SLC12A2: variants seen among roughly 807,000 people sequenced by gnomAD.
SLC12A2 encodes Na-K-2Cl cotransporter 1.
Under a neutral mutation model 136.3 loss-of-function variants are expected in SLC12A2, and 67 were observed. The ratio of observed to expected loss-of-function variants is 0.49; its 90% CI spans 0.40 to 0.60. The LOEUF (loss-of-function observed/expected upper bound fraction) is 0.60. Ranked by LOEUF, SLC12A2 falls within the 20% of genes least tolerant of loss-of-function variation. SLC12A2 has a pLI of 0.00. For synonymous variants in SLC12A2, 619 were observed against 562.9 expected (o/e 1.10, Z -1.41); for missense variants, 1,322 against 1,534.7 (o/e 0.86, Z 2.32).
At chr5:128,110,831 T>C in intron 1 of SLC12A2, 4 of 1,472,980 alleles carry the variant, frequency 2.7e-6, no homozygotes, top group Non-Finnish European at 3.8e-6. Flanking sequence ...AATAATCTCA[T>C]GGATGATGAC....
At chr5:128,148,948 T>G in intron 12 of SLC12A2, 71 bp downstream of exon 12, 2 of 1,260,134 alleles carry the variant, frequency 1.6e-6, no homozygotes, top group African/African-American at 3.0e-5. Context: ...AATTATTAAA[T>G]TATTAACAAT....
At chr5:128,112,515 C>A (rs1309791748) in intron 1 of SLC12A2, among the ~76,000 whole-genome samples, 1 of 152,128 alleles carries the variant, frequency 6.6e-6, no homozygotes, top group African/African-American at 2.4e-5. Flanking sequence ...CTGTAATTAG[C>A]AAACAGGAGT....
In SLC12A2 at chr5:128,131,189, G is replaced by T. The variant is rs765309351; in HGVS notation, c.1171G>T (p.Val391Leu). Residue 391 changes from valine to leucine, a missense_variant, in exon 5 of 27, where the codon GTG (valine) becomes TTG (leucine). This residue lies in a region of SLC12A2 where 71 missense variants were observed against 131.0 expected (regional missense o/e 0.54). Coordinates refer to ENST00000262461, the MANE Select transcript of SLC12A2 (RefSeq NM_001046.3). ...AMYVVGFAET[V>L]VELLKEHSIL... The stretch of plus-strand genomic sequence containing the variant: ...GTATGTGGTTGGATTTGCAGAAACC[G>T]TGGTGGAGTTGCTTAAGGTAATTCA... 1 of 1,614,028 alleles carries T rather than the reference G, an allele frequency of 6.2e-7. No homozygotes were observed. The highest frequency in any genetic ancestry group is 8.5e-7 in the Non-Finnish European group (1 of 1,180,018).
chr5:128,112,889 G>A lies in SLC12A2; in HGVS notation c.832G>A (p.Glu278Lys). The A allele has an allele frequency of 5.0e-6, 8 of 1,613,224 alleles. No homozygotes were observed. Among genetic ancestry groups the A allele is most frequent in the Non-Finnish European group, 6.8e-6 (8 of 1,179,440 alleles). ...TRDAVVTYTA[E>K]SKGVVKFGWI... Reference sequence around the variant, plus strand: ...AGATGCTGTGGTCACGTATACTGCAGAAAGTAAAGGAGTCGTGAAGTTTGG... The same window carrying A: ...AGATGCTGTGGTCACGTATACTGCAAAAAGTAAAGGAGTCGTGAAGTTTGG... The change falls in exon 2 of 27, where the codon GAA (glutamate) becomes AAA (lysine). Residue 278 changes from glutamate to lysine, a missense_variant. Around this residue, in one of 8 missense-constraint regions of SLC12A2, gnomAD observed 59 missense variants for 51.5 expected, o/e 1.15. Coordinates refer to ENST00000262461, the MANE Select transcript of SLC12A2 (RefSeq NM_001046.3).
intron 6 of SLC12A2, 109 bp downstream of exon 6, chr5:128,134,384 A>G (rs1170237017): frequency 4.7e-6 from 3 of 640,940 alleles, no homozygotes; most frequent in Non-Finnish European, 8.5e-6. Flanking sequence ...AATGGTACCT[A>G]AGTGGCCATT....
At chr5:128,096,875 T>C (rs978864805) in intron 1 of SLC12A2, among the ~76,000 whole-genome samples, 1 of 151,942 alleles carries the variant, frequency 6.6e-6, no homozygotes, top group African/African-American at 2.4e-5. Context: ...GAACAGAAGA[T>C]AAGAAAATCA....
chr5:128,099,377 T>C (rs1490312519), intron 1 of SLC12A2, among the ~76,000 whole-genome samples: 1 of 152,180 alleles, frequency 6.6e-6, no homozygotes, highest in Non-Finnish European at 1.5e-5. Flanking sequence ...GGATACTTAC[T>C]ATTGAATGGA....
At position 128,083,852 on chromosome 5, in the gene SLC12A2, T is replaced by A; in HGVS notation, c.-103T>A. On this transcript the variant is annotated 5_prime_UTR_variant, in exon 1 of 27. Coordinates refer to ENST00000262461, the MANE Select transcript of SLC12A2 (RefSeq NM_001046.3). Reference sequence around the variant, plus strand: ...GCAGGCGGCGGGGAGAAAGACTCTCTCACCTGGTCTTGCGGCTGTGGCCAC... The same window carrying A: ...GCAGGCGGCGGGGAGAAAGACTCTCACACCTGGTCTTGCGGCTGTGGCCAC... The A allele has an allele frequency of 2.3e-6, 2 of 868,336 alleles. No homozygotes were observed. Among genetic ancestry groups the A allele is most frequent in the Non-Finnish European group, 3.0e-6 (2 of 662,372 alleles). 53.8% of individuals were successfully genotyped at this position (868,336 alleles called of 1,614,324 possible).
At chr5:128,093,319 A>G (rs1266851411) in intron 1 of SLC12A2, among the ~76,000 whole-genome samples, 2 of 151,664 alleles carry the variant, frequency 1.3e-5, no homozygotes, top group Non-Finnish European at 2.9e-5. Context: ...CTTTATTTGG[A>G]CTTTTCTCCT....
At chr5:128,096,989 T>C (rs1435850743) in intron 1 of SLC12A2, among the ~76,000 whole-genome samples, 1 of 152,066 alleles carries the variant, frequency 6.6e-6, no homozygotes, top group Admixed American at 6.6e-5. Context: ...TCATCTAGCA[T>C]AAATGCTAAG....
At chr5:128,181,893 AC>A (rs1469822775) in intron 23 of SLC12A2, among the ~76,000 whole-genome samples, 4 of 151,882 alleles carry the variant, frequency 2.6e-5, no homozygotes, top group Non-Finnish European at 4.4e-5. Context: ...ATTCTTTAAA[AC>A]CCAGCTCAGT....
At chr5:128,089,942 G>A (rs1052218731) in intron 1 of SLC12A2, among the ~76,000 whole-genome samples, 1 of 152,188 alleles carries the variant, frequency 6.6e-6, no homozygotes, top group Non-Finnish European at 1.5e-5. Flanking sequence ...CGAGGGTGAG[G>A]GGAAGAGTAG....
intron 10 of SLC12A2, among the ~76,000 whole-genome samples, chr5:128,146,247 A>C (rs1762523418): frequency 6.6e-6 from 1 of 152,026 alleles, no homozygotes; most frequent in East Asian, 1.9e-4. Flanking sequence ...GAAATTAAAC[A>C]CTGATGAAAT....
At position 128,137,237 on chromosome 5, in the gene SLC12A2, CATTTA is replaced by C. The variant is rs1762216941; in HGVS notation, c.1409-1355_1409-1351del. Among the ~76,000 whole-genome samples the C allele has an allele frequency of 2.6e-5, 4 of 152,274 alleles. No individual in the cohort carries two copies. The South Asian group carries it at 8.3e-4, about 32-fold the overall frequency. On this transcript the variant is annotated intron_variant, in intron 7 of 26. Transcript: ENST00000262461. ...TGTTCCTCAGTGGTCACTCCAATTTCATTTAATTTTTCTCCTTACTATAAGAATTT... is the reference window on the plus strand; with the variant it reads ...TGTTCCTCAGTGGTCACTCCAATTTCATTTTTCTCCTTACTATAAGAATTT...
intron 17 of SLC12A2, among the ~76,000 whole-genome samples, chr5:128,163,338 G>T (rs1763103301): frequency 6.6e-6 from 1 of 152,102 alleles, no homozygotes; most frequent in Admixed American, 6.6e-5. Flanking sequence ...AGACCAGCCT[G>T]GCCAACATGG....
Position 128,109,793 on chromosome 5 carries a change from G to A in SLC12A2, c.757-3021G>A, listed in dbSNP as rs549488360. ...CTTCATGGTAAGATACAGAATGTGT[G>A]CAGGCTACAAAAATCTGAAGATGGG... is the stretch of plus-strand genomic sequence containing the variant. On this transcript the variant is annotated intron_variant, in intron 1 of 26. Transcript: ENST00000262461. The A allele has an allele frequency of 8.3e-5, 68 of 814,720 alleles. 3 individuals carry two copies. The East Asian group carries it at 1.0e-3, about 12-fold the overall frequency. 50.5% of individuals were successfully genotyped at this position (814,720 alleles called of 1,614,324 possible). A position where few individuals can be genotyped will look rare whatever the true frequency, so the allele number is the denominator to read the frequency against.
At chr5:128,098,491 T>C (rs1045744046) in intron 1 of SLC12A2, among the ~76,000 whole-genome samples, 1 of 151,982 alleles carries the variant, frequency 6.6e-6, no homozygotes, top group African/African-American at 2.4e-5. Flanking sequence ...TTTTTGTTTT[T>C]TTTGTTTTTT....
chr5:128,126,966 A>ATATATATATATATATATATATTTT, intron 4 of SLC12A2, among the ~76,000 whole-genome samples: 4 of 21,158 alleles, frequency 1.9e-4, no homozygotes, highest in African/African-American at 5.0e-4. Flanking sequence ...ATATATATAT[A>ATATATATATATATATATATATTTT]TTTTTTTTTT....
intron 19 of SLC12A2, among the ~76,000 whole-genome samples, chr5:128,174,277 C>G (rs1023619116): frequency 6.6e-6 from 1 of 151,898 alleles, no homozygotes; most frequent in African/African-American, 2.4e-5. Flanking sequence ...CCAGAAATCC[C>G]AAATCTGAAA....
Sources: allele counts gnomAD v4.1 joint callset (sites outside exome capture counted in the v4.1 genomes callset), GRCh38; gene constraint gnomAD v4.1.1; regional missense constraint gnomAD v4.1.1; transcripts MANE v1.5; gene names NCBI Gene and HGNC (gene_info 2026-07-23, HGNC 2026-07-21).